EPHB1: variants seen among roughly 807,000 people sequenced by gnomAD.
The protein encoded by EPHB1 is ephrin type-B receptor 1.
A neutral mutation model predicts 94.4 loss-of-function variants in EPHB1; 30 were observed. That is an observed-to-expected ratio of 0.32 (90% CI 0.24 to 0.43). The LOEUF (loss-of-function observed/expected upper bound fraction) is 0.43, where lower values mean the gene tolerates loss of function less well. Among genes scored for constraint, EPHB1 ranks in the 20% least tolerant of loss-of-function variants. The pLI, the probability that EPHB1 is intolerant of heterozygous loss-of-function variation, is 1.00. For missense variants in EPHB1, 1,055 were observed against 1,308.3 expected (o/e 0.81, Z 2.99); for synonymous variants, 522 against 489.1 (o/e 1.07, Z -0.89).
rs748855722 is a variant in EPHB1, at chr3:135,105,147, T to C, written c.806-1301T>C. Among the ~76,000 whole-genome samples the C allele has an allele frequency of 2.6e-5, 4 of 152,190 alleles. No individual in the cohort carries two copies. The East Asian group carries it at 7.7e-4, about 29-fold the overall frequency. ...TATTATTAAAGAATATGCTGCACTT[T>C]CCAGGAGGGAACAATACATTTGAGA... On this transcript the variant is annotated intron_variant, in intron 3 of 15. Transcript: ENST00000398015.
chr3:134,807,094 G>C lies in EPHB1; in HGVS notation c.58+11405G>C, dbSNP rs1435942699. Among the ~76,000 whole-genome samples, 5 of 152,192 alleles carry C rather than the reference G, an allele frequency of 3.3e-5. No homozygotes were observed. In the East Asian group the frequency reaches 9.6e-4, roughly 29 times the overall value. On this transcript the variant is annotated intron_variant, in intron 1 of 15. Coordinates refer to ENST00000398015, the MANE Select transcript of EPHB1 (RefSeq NM_004441.5). ...ATAGGCTGCCTTGAGAGATGATGCA[G>C]CCCCATCTCTGGGGTGTCCAGGTAA...
Position 134,949,199 on chromosome 3 carries a change from C to G in EPHB1, c.124-2172C>G, listed in dbSNP as rs116569758. Among the ~76,000 whole-genome samples, 890 of 152,234 alleles carry G rather than the reference C, an allele frequency of 5.8e-3. 3 individuals carry two copies. Among genetic ancestry groups the G allele is most frequent in the African/African-American group, 0.02 (840 of 41,540 alleles). ...CCCGGAACTGCTGCAAGGATACTGG[C>G]AGGAGCTGATCTGTTGGTGAGGGAC... On this transcript the variant is annotated intron_variant, in intron 2 of 15. Transcript: ENST00000398015.
chr3:135,114,537 TAA>T (rs56100882), intron 4 of EPHB1, among the ~76,000 whole-genome samples: 5 of 37,216 alleles, frequency 1.3e-4, no homozygotes, highest in African/African-American at 4.3e-4. Context: ...CTGTCTCTAC[TAA>T]AAAAAAAAAA....
chr3:134,859,428 T>G lies in EPHB1; in HGVS notation c.58+63739T>G, dbSNP rs547565186. Among the ~76,000 whole-genome samples, 33 of 152,306 alleles carry G rather than the reference T, an allele frequency of 2.2e-4. No homozygotes were observed. The South Asian group carries it at 6.4e-3, about 30-fold the overall frequency. The stretch of plus-strand genomic sequence containing the variant: ...AGATTTCTAGCTTGTTCAAGGCCAT[T>G]CTGGCCAAGGTGTGTAGCAGATCTG... On this transcript the variant is annotated intron_variant, in intron 1 of 15. Transcript: ENST00000398015.
At position 135,192,930 on chromosome 3, in the gene EPHB1, G is replaced by A. The variant is rs879648302; in HGVS notation, c.2130+107G>A. The A allele has an allele frequency of 7.6e-5, 105 of 1,388,156 alleles. No homozygotes were observed. The Admixed American group carries it at 2.2e-3, about 29-fold the overall frequency. The allele number at this position is 1,388,156 out of a possible 1,614,324, so 86.0% of individuals were successfully genotyped here. A position where few individuals can be genotyped will look rare whatever the true frequency, so the allele number is the denominator to read the frequency against. ...TACCAATCAGGAATCGCCTGATCCA[G>A]TGTGAATGGGCATTGGAGATGTTAG... On this transcript the variant is annotated intron_variant, in intron 11 of 15. Coordinates refer to ENST00000398015, the MANE Select transcript of EPHB1 (RefSeq NM_004441.5).
intron 1 of EPHB1, among the ~76,000 whole-genome samples, chr3:134,859,528 C>T (rs2037200259): frequency 1.3e-5 from 2 of 152,136 alleles, no homozygotes; most frequent in South Asian, 4.1e-4. Context: ...CTCTATGAAA[C>T]CTGGTGTCCC....
intron 1 of EPHB1, among the ~76,000 whole-genome samples, chr3:134,866,606 G>T (rs2037385411): frequency 6.6e-6 from 1 of 152,228 alleles, no homozygotes; most frequent in African/African-American, 2.4e-5. Context: ...CCACTCCAAA[G>T]CCCTTGCTGA....
rs769450702 is a variant in EPHB1 at position 135,166,972 on chromosome 3, C to T, written c.1725C>T (p.Tyr575=). 2.4e-5 allele frequency: 39 copies of T among 1,614,036 alleles called. No homozygotes were observed. The highest frequency in any genetic ancestry group is 4.0e-5 in the African/African-American group (3 of 74,942). ...RKRAYSKEAV[Y]SDKLQHYSTG... ...GGGCTTATAGCAAAGAGGCTGTGTA[C>T]AGCGATAAGCTCCAGCATTACAGCA... The change falls in exon 9 of 16, where the codon TAC becomes TAT. Residue 575 remains tyrosine (Y), a synonymous_variant. Transcript: ENST00000398015.
intron 3 of EPHB1, among the ~76,000 whole-genome samples, chr3:135,072,722 C>A (rs552094113): frequency 2.0e-5 from 3 of 152,236 alleles, no homozygotes; most frequent in Non-Finnish European, 4.4e-5. Flanking sequence ...GCCCTCTCTT[C>A]TCCATCTTTG....
chr3:134,877,123 G>A (rs932067187), intron 1 of EPHB1, among the ~76,000 whole-genome samples: 31 of 152,110 alleles, frequency 2.0e-4, no homozygotes, highest in African/African-American at 7.0e-4. Flanking sequence ...GCAGACCTGG[G>A]GTCATGGTCC....
intron 1 of EPHB1, among the ~76,000 whole-genome samples, chr3:134,811,556 A>C (rs1308970916): frequency 6.7e-6 from 1 of 149,270 alleles, no homozygotes; most frequent in Admixed American, 6.6e-5. Flanking sequence ...CCTTTTTAAG[A>C]CTTTTTTTTT....
At chr3:135,088,061 G>A (rs879338094) in intron 3 of EPHB1, among the ~76,000 whole-genome samples, 6 of 151,998 alleles carry the variant, frequency 3.9e-5, no homozygotes, top group Non-Finnish European at 7.4e-5. Flanking sequence ...TCTTCCTTTA[G>A]AGGCAGGAAA....
intron 3 of EPHB1, among the ~76,000 whole-genome samples, chr3:135,032,181 T>C (rs1316437423): frequency 6.6e-6 from 1 of 152,144 alleles, no homozygotes; most frequent in Non-Finnish European, 1.5e-5. Context: ...TCTATCCATT[T>C]TACCAGTTAT....
intron 1 of EPHB1, among the ~76,000 whole-genome samples, chr3:134,813,232 A>G (rs1578106154): frequency 6.6e-6 from 1 of 152,150 alleles, no homozygotes; most frequent in Non-Finnish European, 1.5e-5. Context: ...CATAATTCAC[A>G]TGACCTGGGA....
intron 13 of EPHB1, among the ~76,000 whole-genome samples, chr3:135,242,806 A>C (rs1943817894): frequency 1.3e-5 from 2 of 152,192 alleles, no homozygotes; most frequent in African/African-American, 2.4e-5. Context: ...AGCAGGGCGC[A>C]GTGGCTCATG....
intron 3 of EPHB1, among the ~76,000 whole-genome samples, chr3:135,100,230 C>G (rs1161291626): frequency 6.6e-6 from 1 of 152,154 alleles, no homozygotes; most frequent in Non-Finnish European, 1.5e-5. Context: ...AATAGTTAAG[C>G]TCTCCCACAT....
At chr3:135,241,048 G>A in intron 12 of EPHB1, 100 bp from the exon 13 acceptor site, 1 of 1,353,014 alleles carries the variant, frequency 7.4e-7, no homozygotes. Context: ...ACAAGATATG[G>A]GAGTGAGAGT....
At chr3:134,997,668 G>A (rs541013667) in intron 3 of EPHB1, among the ~76,000 whole-genome samples, 14 of 152,028 alleles carry the variant, frequency 9.2e-5, no homozygotes, top group South Asian at 2.1e-4. Context: ...CTATTCTTCC[G>A]TTTTGGATAA....
chr3:135,244,844 C>T (rs899404700), intron 13 of EPHB1, among the ~76,000 whole-genome samples: 3 of 152,156 alleles, frequency 2.0e-5, no homozygotes, highest in African/African-American at 7.2e-5. Flanking sequence ...TACTCATATA[C>T]CAATGATTGA....
Sources: allele counts gnomAD v4.1 joint callset (sites outside exome capture counted in the v4.1 genomes callset), GRCh38; gene constraint gnomAD v4.1.1; transcripts MANE v1.5; gene names NCBI Gene and HGNC (gene_info 2026-07-23, HGNC 2026-07-21).